DTWD2: variants seen among roughly 807,000 people sequenced by gnomAD.
DTWD2 encodes tRNA-uridine aminocarboxypropyltransferase 2.
In DTWD2, 39 loss-of-function variants were observed where a neutral mutation model predicts 31.8. The observed-to-expected ratio is 1.22, with a 90% CI of 0.95 to 1.60. The LOEUF is 1.60. DTWD2 is among the 40% of genes most tolerant of loss of function. The pLI, the probability that DTWD2 is intolerant of heterozygous loss-of-function variation, is 0.00. For synonymous variants in DTWD2, 180 were observed against 142.8 expected, an observed-to-expected ratio of 1.26 and a Z score of -1.86; for missense variants, 515 against 381.5, an observed-to-expected ratio of 1.35 and a Z score of -2.92.
At chr5:118,844,983 C>A (rs1220703575) in intron 5 of DTWD2, among the ~76,000 whole-genome samples, 1 of 151,894 alleles carries the variant, frequency 6.6e-6, no homozygotes, top group Non-Finnish European at 1.5e-5. Flanking sequence ...CCCATCTCTA[C>A]AAAAAATACA....
At chr5:118,876,364 A>G (rs1304227990) in intron 4 of DTWD2, among the ~76,000 whole-genome samples, 1 of 152,170 alleles carries the variant, frequency 6.6e-6, no homozygotes, top group Admixed American at 6.5e-5. Context: ...TCAGAGCTGA[A>G]GGAGGCTAAG....
At chr5:118,852,268 CAT>C (rs140037028) in intron 4 of DTWD2, among the ~76,000 whole-genome samples, 3,097 of 152,272 alleles carry the variant, frequency 0.02, 64 homozygotes, top group Non-Finnish European at 0.032. Context: ...CATTCAAACA[CAT>C]GTTTTACAAT....
At chr5:118,937,958 T>C (rs759176519) in intron 3 of DTWD2, among the ~76,000 whole-genome samples, 2 of 44,282 alleles carry the variant, frequency 4.5e-5, no homozygotes, top group African/African-American at 2.3e-4. Context: ...ATCTTAACTA[T>C]GTGAGGTGAT....
chr5:118,881,577 T>C (rs986424898), intron 4 of DTWD2, among the ~76,000 whole-genome samples: 1 of 152,190 alleles, frequency 6.6e-6, no homozygotes, highest in African/African-American at 2.4e-5. Flanking sequence ...ATAAAGATAC[T>C]ACCTGAGACT....
At chr5:118,924,729 G>A (rs961977499) in intron 4 of DTWD2, among the ~76,000 whole-genome samples, 5 of 152,106 alleles carry the variant, frequency 3.3e-5, no homozygotes, top group African/African-American at 1.2e-4. Context: ...TTTTACAATC[G>A]AAGTTTTCCA....
chr5:118,877,409 T>A (rs1346102607), intron 4 of DTWD2, among the ~76,000 whole-genome samples: 1 of 151,896 alleles, frequency 6.6e-6, no homozygotes, highest in Non-Finnish European at 1.5e-5. Context: ...GAGATGGAGC[T>A]TGCAGTGAGC....
At chr5:118,902,013 T>G (rs909343076) in intron 4 of DTWD2, among the ~76,000 whole-genome samples, 2 of 152,212 alleles carry the variant, frequency 1.3e-5, no homozygotes, top group Non-Finnish European at 2.9e-5. Context: ...TTTTTATTAT[T>G]TAAGTATTTT....
At chr5:118,984,498 C>G (rs1580457422) in intron 1 of DTWD2, among the ~76,000 whole-genome samples, 1 of 150,486 alleles carries the variant, frequency 6.6e-6, no homozygotes, top group African/African-American at 2.4e-5. Context: ...AAGTTTGTTA[C>G]AAGAACTAAA....
intron 1 of DTWD2, among the ~76,000 whole-genome samples, chr5:118,961,907 A>G (rs929913664): frequency 6.6e-6 from 1 of 152,250 alleles, no homozygotes; most frequent in African/African-American, 2.4e-5. Flanking sequence ...ATAAGAGCAT[A>G]TAATAGTGCT....
intron 4 of DTWD2, among the ~76,000 whole-genome samples, chr5:118,862,600 C>T (rs1237741636): frequency 6.6e-6 from 1 of 152,134 alleles, no homozygotes; most frequent in Non-Finnish European, 1.5e-5. Context: ...TTTGAAGAAA[C>T]ACAAAATACT....
intron 1 of DTWD2, among the ~76,000 whole-genome samples, chr5:118,968,805 A>C (rs926440577): frequency 6.6e-6 from 1 of 152,330 alleles, no homozygotes; most frequent in East Asian, 1.9e-4. Context: ...AGGGGGCTGA[A>C]TCCAGGGGGC....
At chr5:118,855,000 C>T (rs1308333014) in intron 4 of DTWD2, among the ~76,000 whole-genome samples, 1 of 151,522 alleles carries the variant, frequency 6.6e-6, no homozygotes, top group African/African-American at 2.4e-5. Context: ...CAGGCCAGTG[C>T]CCAGGTATTA....
chr5:118,879,635 G>A (rs903079790), intron 4 of DTWD2, among the ~76,000 whole-genome samples: 17 of 149,116 alleles, frequency 1.1e-4, no homozygotes, highest in Admixed American at 8.0e-4. Context: ...AAAAAAGAAC[G>A]AGATCATGTC....
intron 3 of DTWD2, among the ~76,000 whole-genome samples, chr5:118,938,695 C>T (rs1754106364): frequency 6.8e-6 from 1 of 147,188 alleles, no homozygotes; most frequent in Non-Finnish European, 1.5e-5. Context: ...GACTGGGCAA[C>T]AAAGTGAGAT....
At chr5:118,873,109 G>A (rs552239611) in intron 4 of DTWD2, among the ~76,000 whole-genome samples, 22 of 152,330 alleles carry the variant, frequency 1.4e-4, no homozygotes, top group African/African-American at 5.1e-4. Flanking sequence ...ATCCCTGGCA[G>A]AAGGGGACCC....
intron 4 of DTWD2, among the ~76,000 whole-genome samples, chr5:118,880,016 C>A (rs1752706044): frequency 6.6e-6 from 1 of 152,140 alleles, no homozygotes; most frequent in East Asian, 1.9e-4. Context: ...GAATACAATA[C>A]AAAAGTGGTA....
At chr5:118,974,930 A>T (rs979134241) in intron 1 of DTWD2, among the ~76,000 whole-genome samples, 1 of 152,166 alleles carries the variant, frequency 6.6e-6, no homozygotes, top group South Asian at 2.1e-4. Context: ...TGGGTAACCC[A>T]ACCTTTCTCT....
chr5:118,916,326 T>A (rs1306034730), intron 4 of DTWD2, among the ~76,000 whole-genome samples: 3 of 152,168 alleles, frequency 2.0e-5, no homozygotes, highest in Non-Finnish European at 2.9e-5. Context: ...TGGCAGTAAA[T>A]AAAAGAGATC....
At chr5:118,893,188 A>T (rs2149561268) in intron 4 of DTWD2, among the ~76,000 whole-genome samples, 1 of 152,180 alleles carries the variant, frequency 6.6e-6, no homozygotes, top group Admixed American at 6.5e-5. Context: ...TAGCCTCGCC[A>T]ACATGGTGAA....
Sources: gnomAD v4.1 joint callset for allele counts (sites outside exome capture counted in the v4.1 genomes callset) on GRCh38, gnomAD v4.1.1 for gene constraint, MANE v1.5 for transcripts, NCBI Gene and HGNC (gene_info 2026-07-23, HGNC 2026-07-21) for gene names.